MACROD2: variants seen among roughly 807,000 people sequenced by gnomAD.
MACROD2 encodes ADP-ribose glycohydrolase MACROD2.
A neutral mutation model predicts 70.4 loss-of-function variants in MACROD2; 36 were observed. That is an observed-to-expected ratio of 0.51 (90% CI 0.39 to 0.68). The LOEUF (loss-of-function observed/expected upper bound fraction) is 0.68, where lower values mean the gene tolerates loss of function less well. Ranked by LOEUF, MACROD2 falls within the 30% of genes least tolerant of loss-of-function variation. The pLI is 0.00. For missense variants in MACROD2, 496 were observed against 538.4 expected (o/e 0.92, Z 0.78); for synonymous variants, 172 against 178.8 (o/e 0.96, Z 0.30).
At chr20:14,067,598 A>G (rs1431640722) in intron 2 of MACROD2, among the ~76,000 whole-genome samples, 1 of 152,208 alleles carries the variant, frequency 6.6e-6, no homozygotes, top group African/African-American at 2.4e-5. Context: ...TAAGCTTTAG[A>G]CTGAGTCATA....
At chr20:14,809,692 C>G (rs542471307) in intron 5 of MACROD2, among the ~76,000 whole-genome samples, 1 of 151,448 alleles carries the variant, frequency 6.6e-6, no homozygotes, top group East Asian at 1.9e-4. Flanking sequence ...GCTAGCCAGA[C>G]TAAAAAAGAA....
At chr20:15,742,968 A>G (rs1452481849) in intron 8 of MACROD2, among the ~76,000 whole-genome samples, 1 of 152,192 alleles carries the variant, frequency 6.6e-6, no homozygotes, top group African/African-American at 2.4e-5. Flanking sequence ...TGTCAGGTCA[A>G]TTGTATTTGT....
At chr20:15,298,021 C>T (rs1371727987) in intron 6 of MACROD2, among the ~76,000 whole-genome samples, 1 of 152,122 alleles carries the variant, frequency 6.6e-6, no homozygotes, top group African/African-American at 2.4e-5. Context: ...AAGTTCTGAT[C>T]AATTTTTTCA....
intron 4 of MACROD2, among the ~76,000 whole-genome samples, chr20:14,668,739 A>T (rs2123554722): frequency 6.6e-6 from 1 of 152,286 alleles, no homozygotes; most frequent in South Asian, 2.1e-4. Flanking sequence ...AAATTTTTTA[A>T]TGCTAAAAAG....
In MACROD2 at chr20:14,198,133, C is replaced by T. The variant is rs556325201; in HGVS notation, c.271+112405C>T. On this transcript the variant is annotated intron_variant, in intron 3 of 17. Transcript: ENST00000684519. ...CTGGAGGGCTGTGTGTTTGTGTGTG[C>T]GTGAGAGAGAGAGGGGAGAAGCGAG... is the stretch of plus-strand genomic sequence containing the variant. 2.4e-4 allele frequency among the ~76,000 whole-genome samples: 35 copies of T among 148,378 alleles called. No individual in the cohort carries two copies. The South Asian group carries it at 6.2e-3, about 26-fold the overall frequency.
chr20:15,642,257 T>C (rs1468778079), intron 8 of MACROD2, among the ~76,000 whole-genome samples: 2 of 152,150 alleles, frequency 1.3e-5, no homozygotes, highest in Non-Finnish European at 2.9e-5. Context: ...CTGTCCTCGG[T>C]TATTTCTGAA....
chr20:14,295,061 A>C (rs987816792), intron 3 of MACROD2, among the ~76,000 whole-genome samples: 3 of 151,716 alleles, frequency 2.0e-5, no homozygotes, highest in African/African-American at 7.3e-5. Context: ...TTCACCCTTA[A>C]CTATATTTTT....
At chr20:15,072,813 T>C (rs2075628921) in intron 5 of MACROD2, among the ~76,000 whole-genome samples, 1 of 152,142 alleles carries the variant, frequency 6.6e-6, no homozygotes, top group Non-Finnish European at 1.5e-5. Flanking sequence ...GTAAACCCCA[T>C]TGCTATAATT....
At chr20:15,193,705 G>T (rs1017733912) in intron 5 of MACROD2, among the ~76,000 whole-genome samples, 3 of 151,750 alleles carry the variant, frequency 2.0e-5, no homozygotes, top group Non-Finnish European at 4.4e-5. Flanking sequence ...CGTCTTGCAC[G>T]CTGGCTCCCA....
intron 5 of MACROD2, among the ~76,000 whole-genome samples, chr20:15,111,334 G>C (rs1017456057): frequency 6.6e-6 from 1 of 151,832 alleles, no homozygotes; most frequent in Admixed American, 6.6e-5. Context: ...CACTGCACCT[G>C]GCTAATTGTT....
At chr20:14,278,560 C>T (rs762484206) in intron 3 of MACROD2, among the ~76,000 whole-genome samples, 4 of 152,092 alleles carry the variant, frequency 2.6e-5, no homozygotes, top group Non-Finnish European at 5.9e-5. Context: ...CTTCCTTAAA[C>T]TAATTGGTTG....
At chr20:16,022,511 T>C (rs2067017505) in intron 15 of MACROD2, among the ~76,000 whole-genome samples, 2 of 152,226 alleles carry the variant, frequency 1.3e-5, no homozygotes, top group South Asian at 4.1e-4. Flanking sequence ...CTTTTACATG[T>C]ACAAGAATCA....
At chr20:15,078,936 A>G (rs1295053118) in intron 5 of MACROD2, among the ~76,000 whole-genome samples, 1 of 151,980 alleles carries the variant, frequency 6.6e-6, no homozygotes, top group Non-Finnish European at 1.5e-5. Context: ...ATGAGCCACC[A>G]TGCCTGGCCT....
At chr20:14,028,264 C>T (rs1453063248) in intron 2 of MACROD2, among the ~76,000 whole-genome samples, 2 of 152,146 alleles carry the variant, frequency 1.3e-5, no homozygotes, top group Non-Finnish European at 2.9e-5. Flanking sequence ...CTCTCCCTCC[C>T]CACCCGCCCA....
chr20:14,784,090 A>T (rs956207589), intron 5 of MACROD2, among the ~76,000 whole-genome samples: 1 of 152,142 alleles, frequency 6.6e-6, no homozygotes, highest in African/African-American at 2.4e-5. Context: ...CATCATCTAC[A>T]CTGGCTAATT....
intron 4 of MACROD2, among the ~76,000 whole-genome samples, chr20:14,509,476 A>G (rs2085005584): frequency 6.6e-6 from 1 of 152,074 alleles, no homozygotes; most frequent in Admixed American, 6.6e-5. Flanking sequence ...ATATTTCCAT[A>G]AAAGAATAAG....
chr20:14,066,110 C>T (rs1458472581), intron 2 of MACROD2, among the ~76,000 whole-genome samples: 2 of 152,096 alleles, frequency 1.3e-5, no homozygotes, highest in Non-Finnish European at 2.9e-5. Context: ...GTATCTACTG[C>T]AGATTAAATT....
At chr20:15,594,219 C>T (rs2048715524) in intron 8 of MACROD2, among the ~76,000 whole-genome samples, 1 of 152,172 alleles carries the variant, frequency 6.6e-6, no homozygotes, top group Non-Finnish European at 1.5e-5. Flanking sequence ...CCTTTTCTCT[C>T]TTTTTTCCTT....
intron 3 of MACROD2, among the ~76,000 whole-genome samples, chr20:14,123,376 A>G (rs902961462): frequency 1.3e-5 from 2 of 152,132 alleles, no homozygotes; most frequent in Non-Finnish European, 1.5e-5. Context: ...CATTGGTCAT[A>G]CTGTTTCTCT....
Sources: allele counts gnomAD v4.1 joint callset (sites outside exome capture counted in the v4.1 genomes callset), GRCh38; gene constraint gnomAD v4.1.1; transcripts MANE v1.5; gene names NCBI Gene and HGNC (gene_info 2026-07-23, HGNC 2026-07-21).